COP1: variants seen among roughly 807,000 people sequenced by gnomAD.
COP1 encodes the protein COP1 E3 ubiquitin ligase.
In COP1, 24 loss-of-function variants were observed where a neutral mutation model predicts 101.3. That is an observed-to-expected ratio of 0.24 (90% CI 0.17 to 0.33). The LOEUF (loss-of-function observed/expected upper bound fraction) is 0.33, where lower values mean the gene tolerates loss of function less well. Ranked by LOEUF, COP1 falls within the 10% of genes least tolerant of loss-of-function variation. The probability of loss-of-function intolerance (pLI) is 1.00; values close to 1 mark genes in which losing one functional copy is unlikely to be tolerated. For synonymous variants in COP1, 347 were observed against 341.9 expected (o/e 1.01, Z -0.17); for missense variants, 663 against 906.2 (o/e 0.73, Z 3.45).
In COP1 at chr1:176,085,879, C is replaced by A. The variant is rs201051472; in HGVS notation, c.1038G>T (p.Gln346His). 6.3e-7 allele frequency: 1 copy of A among 1,585,146 alleles called. No individual in the cohort carries two copies. Among genetic ancestry groups the A allele is most frequent in the South Asian group, 1.1e-5 (1 of 88,890 alleles). Residue 346 changes from glutamine (Q) to histidine (H), a missense_variant, in exon 10 of 20, where the codon CAG (glutamine) becomes CAT (histidine). By Grantham distance (24) the Gln-to-His change is conservative. Coordinates refer to ENST00000367669, the MANE Select transcript of COP1 (RefSeq NM_022457.7). ...ATGCTAACGTGCTATTATACCAAGG[C>A]TGTTTCTTTGTCTAAAATAATAAGA... is the stretch of plus-strand genomic sequence containing the variant. ...GFSGSSQTKKQPWYNSTLASR... is the reference protein window; with the variant it reads ...GFSGSSQTKKHPWYNSTLASR...
chr1:176,186,354 TA>T (rs528697596), intron 1 of COP1, among the ~76,000 whole-genome samples: 25 of 141,072 alleles, frequency 1.8e-4, no homozygotes, highest in East Asian at 8.2e-4. Flanking sequence ...AAAAAAAAAT[TA>T]AAAAAAAAAA....
chr1:175,971,456 C>T (rs1449962137), intron 18 of COP1, among the ~76,000 whole-genome samples: 1 of 151,878 alleles, frequency 6.6e-6, no homozygotes, highest in Non-Finnish European at 1.5e-5. Flanking sequence ...TATATAAATC[C>T]CAAAGGGAGT....
rs142966098 is a variant in COP1 at position 176,055,788 on chromosome 1, A to C, written c.1278-9464T>G. ...TTTTTAAAAGCTCATGAATTGATTT[A>C]GTAATTGTTTTTTCATAATGTATTC... On this transcript the variant is annotated intron_variant, in intron 11 of 19. Transcript: ENST00000367669. 6.9e-4 allele frequency among the ~76,000 whole-genome samples: 105 copies of C among 152,318 alleles called. 1 individual carries two copies. In the East Asian group the frequency reaches 0.013, roughly 18 times the overall value.
intron 8 of COP1, chr1:176,133,925 C>G (rs1280572131): frequency 2.3e-6 from 1 of 439,832 alleles, no homozygotes; most frequent in African/African-American, 2.0e-5. Context: ...TATACACAGA[C>G]CAAGTCATTC....
intron 15 of COP1, among the ~76,000 whole-genome samples, chr1:176,019,288 C>A (rs1666260520): frequency 1.3e-5 from 2 of 151,498 alleles, no homozygotes; most frequent in Admixed American, 6.6e-5. Context: ...TGTGGTGAAA[C>A]CCCGTCTCTA....
intron 18 of COP1, among the ~76,000 whole-genome samples, chr1:175,978,156 A>T (rs1012659343): frequency 2.0e-5 from 3 of 152,174 alleles, no homozygotes; most frequent in Non-Finnish European, 4.4e-5. Flanking sequence ...AAAACCAAAA[A>T]CAGCAAGTAG....
At chr1:176,110,500 C>T (rs998100036) in intron 9 of COP1, among the ~76,000 whole-genome samples, 3 of 152,170 alleles carry the variant, frequency 2.0e-5, no homozygotes, top group African/African-American at 7.2e-5. Context: ...TCCTCATATC[C>T]TGGTCATTCA....
chr1:176,008,500 G>T (rs1663980657), intron 15 of COP1, among the ~76,000 whole-genome samples: 1 of 152,110 alleles, frequency 6.6e-6, no homozygotes, highest in Non-Finnish European at 1.5e-5. Context: ...ATTTGATAAA[G>T]TATATTTGTC....
intron 9 of COP1, among the ~76,000 whole-genome samples, chr1:176,093,767 G>T (rs1681796863): frequency 1.3e-5 from 2 of 152,142 alleles, no homozygotes; most frequent in Admixed American, 1.3e-4. Context: ...GTGAACCTGG[G>T]AGGCGGAGCC....
At chr1:176,123,289 G>A (rs1572377924) in intron 8 of COP1, among the ~76,000 whole-genome samples, 1 of 152,170 alleles carries the variant, frequency 6.6e-6, no homozygotes, top group Admixed American at 6.5e-5. Flanking sequence ...TGGGACTTCG[G>A]TAGGAGAGAT....
intron 11 of COP1, among the ~76,000 whole-genome samples, chr1:176,051,389 T>C (rs1331886661): frequency 2.6e-5 from 4 of 152,188 alleles, no homozygotes; most frequent in African/African-American, 9.7e-5. Context: ...TGACTTGCAG[T>C]GCAACAACAC....
rs1667895898 is a variant in COP1 at position 176,027,568 on chromosome 1, T to A, written c.1729+4A>T. The A allele has an allele frequency of 6.4e-7, 1 of 1,569,356 alleles. No homozygotes were observed. On this transcript the variant is annotated splice_donor_region_variant and intron_variant, in intron 15 of 19. Coordinates refer to ENST00000367669, the MANE Select transcript of COP1 (RefSeq NM_022457.7). ...AGGAAGACAAATCTGCTTTCATTTC[T>A]TACCTGCACAGCCGAAAGCCAAATG... is the stretch of plus-strand genomic sequence containing the variant.
chr1:176,021,594 G>T (rs1303683213), intron 15 of COP1, among the ~76,000 whole-genome samples: 4 of 152,242 alleles, frequency 2.6e-5, no homozygotes, highest in African/African-American at 9.6e-5. Flanking sequence ...AAAAAACCAT[G>T]TAGGCATGTA....
At position 176,003,972 on chromosome 1, in the gene COP1, C is replaced by T. The variant is rs574970869; in HGVS notation, c.1730-14493G>A. Among the ~76,000 whole-genome samples, 3 of 151,534 alleles carry T rather than the reference C, an allele frequency of 2.0e-5. No homozygotes were observed. In the South Asian group the frequency reaches 6.3e-4, roughly 32 times the overall value. ...GGCCATTTTCAGGATATTGATTCTT[C>T]CAACCCATGAGCATGGAATGTTCTT... On this transcript the variant is annotated intron_variant, in intron 15 of 19. Transcript: ENST00000367669.
At chr1:175,970,146 A>C (rs975521227) in intron 18 of COP1, among the ~76,000 whole-genome samples, 1 of 152,152 alleles carries the variant, frequency 6.6e-6, no homozygotes, top group African/African-American at 2.4e-5. Flanking sequence ...AACACTAATG[A>C]AGCATAACAA....
chr1:176,011,656 A>T (rs1186387173), intron 15 of COP1, among the ~76,000 whole-genome samples: 1 of 152,206 alleles, frequency 6.6e-6, no homozygotes, highest in Non-Finnish European at 1.5e-5. Flanking sequence ...TTATGGCTAG[A>T]GAGAATTTAG....
intron 18 of COP1, among the ~76,000 whole-genome samples, chr1:175,971,696 G>C (rs1180063075): frequency 2.0e-5 from 3 of 152,156 alleles, no homozygotes; most frequent in African/African-American, 7.2e-5. Context: ...AATGGAATTT[G>C]GCTGTAAACA....
chr1:176,206,824 AC>A lies in COP1; in HGVS notation c.154del (p.Val52TrpfsTer48). ...GCCGCCCGAGCCGGCGGCCTGGGCC[AC>A]CCCGCCGGACACCAGCGCTGCCGCC... ...VSAAALVSGG[V>X]AQAAGSGGLG... On this transcript the variant is annotated frameshift_variant, in exon 1 of 20. Coordinates refer to ENST00000367669, the MANE Select transcript of COP1 (RefSeq NM_022457.7). LOFTEE classifies it high-confidence loss of function. 7.1e-7 allele frequency: 1 copy of A among 1,399,658 alleles called. No individual in the cohort carries two copies. Among genetic ancestry groups the A allele is most frequent in the Non-Finnish European group, 9.2e-7 (1 of 1,084,436 alleles). The allele number at this position is 1,399,658 out of a possible 1,614,324, so 86.7% of individuals were successfully genotyped here.
At chr1:176,193,569 CTT>C (rs2102172244) in intron 1 of COP1, among the ~76,000 whole-genome samples, 1 of 152,026 alleles carries the variant, frequency 6.6e-6, no homozygotes, top group East Asian at 1.9e-4. Flanking sequence ...TTTAAAATAA[CTT>C]TAAATATTAT....
Sources: gnomAD v4.1 joint callset for allele counts (sites outside exome capture counted in the v4.1 genomes callset) on GRCh38, gnomAD v4.1.1 for gene constraint, MANE v1.5 for transcripts, NCBI Gene and HGNC (gene_info 2026-07-23, HGNC 2026-07-21) for gene names.